The following USH1C variants were observed in gnomAD, a reference collection of about 807,000 sequenced individuals.
USH1C encodes harmonin.
In USH1C, 90 loss-of-function variants were observed where a neutral mutation model predicts 119.3. The ratio of observed to expected loss-of-function variants is 0.75; its 90% CI spans 0.64 to 0.90. USH1C has a LOEUF of 0.90. Among genes scored for constraint, USH1C ranks in the 40% least tolerant of loss-of-function variants. USH1C has a pLI of 0.00. For synonymous variants in USH1C, 465 were observed against 443.3 expected (o/e 1.05, Z -0.62); for missense variants, 1,165 against 1,167.7 (o/e 1.00, Z 0.03).
intron 25 of USH1C, among the ~76,000 whole-genome samples, chr11:17,496,446 T>C (rs1849251814): frequency 6.6e-6 from 1 of 152,190 alleles, no homozygotes; most frequent in Non-Finnish European, 1.5e-5. Context: ...GGGGATAAAG[T>C]TCTGAGTGGG....
intron 1 of USH1C, chr11:17,534,003 G>A (rs1238046780): frequency 7.3e-6 from 2 of 275,450 alleles, no homozygotes; most frequent in Non-Finnish European, 1.5e-5. Flanking sequence ...GCACTCTAAG[G>A]TCAGGTTCAG....
chr11:17,517,548 C>T, intron 14 of USH1C: 1 of 1,467,078 alleles, frequency 6.8e-7, no homozygotes, highest in South Asian at 1.2e-5. Context: ...AGAACCTTCT[C>T]AGGAGTTTGG....
chr11:17,533,833 A>C (rs1283281382), intron 1 of USH1C: 1 of 448,352 alleles, frequency 2.2e-6, no homozygotes, highest in South Asian at 1.6e-5. Context: ...CTGTAACATC[A>C]GTGCCAGGGG....
chr11:17,504,039 G>C (rs1165593071), intron 20 of USH1C, among the ~76,000 whole-genome samples: 1 of 152,226 alleles, frequency 6.6e-6, no homozygotes, highest in Non-Finnish European at 1.5e-5. Flanking sequence ...CATTGGTGAT[G>C]AAACAGCCAA....
rs1008727642 is a variant in USH1C, at chr11:17,533,172, C to G, written c.104+83G>C. On this transcript the variant is annotated intron_variant, in intron 2 of 26. Coordinates refer to ENST00000005226, the MANE Select transcript of USH1C (RefSeq NM_153676.4). ...GTGAGCATCCACCCTCTGAGCTCCTCTGTCTCAGAACAACCCATCCCAGGG... is the reference window on the plus strand; with the variant it reads ...GTGAGCATCCACCCTCTGAGCTCCTGTGTCTCAGAACAACCCATCCCAGGG... 5.8e-6 allele frequency: 6 copies of G among 1,033,788 alleles called. No homozygotes were observed. In the Admixed American group the frequency reaches 1.0e-4, roughly 17 times the overall value. The allele number at this position is 1,033,788 out of a possible 1,614,324, so 64.0% of individuals were successfully genotyped here.
chr11:17,520,772 A>G, intron 14 of USH1C, 98 bp downstream of exon 14: 1 of 1,439,384 alleles, frequency 6.9e-7, no homozygotes, highest in Admixed American at 1.7e-5. Flanking sequence ...AGCCCAGAGC[A>G]CCAAGGGCTA....
At chr11:17,533,391 G>A in intron 1 of USH1C, 69 bp from the exon 2 acceptor site, 1 of 1,188,384 alleles carries the variant, frequency 8.4e-7, no homozygotes, top group South Asian at 1.2e-5. Context: ...CCTCAGGGAG[G>A]AGAGGTCATC....
chr11:17,518,272 G>A (rs1023214490), intron 14 of USH1C, among the ~76,000 whole-genome samples: 3 of 152,166 alleles, frequency 2.0e-5, no homozygotes, highest in African/African-American at 7.2e-5. Flanking sequence ...TAAAACAATG[G>A]AACACAAATG....
intron 1 of USH1C, among the ~76,000 whole-genome samples, chr11:17,537,256 C>T (rs765020525): frequency 3.3e-5 from 5 of 152,162 alleles, no homozygotes; most frequent in Non-Finnish European, 7.3e-5. Context: ...TAGCACTAGC[C>T]CGAGGATCAG....
intron 18 of USH1C, among the ~76,000 whole-genome samples, chr11:17,508,590 T>C (rs1849738937): frequency 6.6e-6 from 1 of 152,264 alleles, no homozygotes; most frequent in South Asian, 2.1e-4. Flanking sequence ...CCAAGCTCCC[T>C]GTCTTCCTCA....
chr11:17,516,361 G>C, intron 14 of USH1C, 71 bp from the exon 15 acceptor site: 1 of 1,489,454 alleles, frequency 6.7e-7, no homozygotes. Flanking sequence ...GCAGCAGATG[G>C]GAGCTGGGTT....
chr11:17,536,496 G>C (rs946300477), intron 1 of USH1C, among the ~76,000 whole-genome samples: 30 of 152,332 alleles, frequency 2.0e-4, no homozygotes, highest in African/African-American at 7.2e-4. Context: ...ACTTGGAGAT[G>C]GTCTTGGTGG....
rs1170876395 is a variant in USH1C at position 17,531,168 on chromosome 11, T to A, written c.373A>T (p.Ser125Cys). The stretch of plus-strand genomic sequence containing the variant: ...TGTTTGCTCACCTGGAGCCCGACGC[T>A]GTCTGCCTGACCGCCTTTGATGAGG... ...SHLIKGGQAD[S>C]VGLQVGDEIV... Residue 125 changes from serine (S) to cysteine (C), a missense_variant, in exon 4 of 27, where the codon AGC becomes TGC. Coordinates refer to ENST00000005226, the MANE Select transcript of USH1C (RefSeq NM_153676.4). This position sits in a 1 kb window ranked among gnomAD's most constrained non-coding sequence, Gnocchi z 4.2. 6.2e-7 allele frequency: 1 copy of A among 1,614,120 alleles called. No homozygotes were observed. The highest frequency in any genetic ancestry group is 8.5e-7 in the Non-Finnish European group (1 of 1,180,032).
chr11:17,504,752 C>T (rs1849583878), intron 19 of USH1C, 55 bp from the exon 20 acceptor site: 5 of 1,594,030 alleles, frequency 3.1e-6, no homozygotes, highest in Non-Finnish European at 2.6e-6. Flanking sequence ...TAGGTCTTGG[C>T]TGCCCCCTGG....
chr11:17,523,550 C>T (rs1232962804), intron 9 of USH1C, 72 bp from the exon 10 acceptor site: 7 of 1,468,680 alleles, frequency 4.8e-6, no homozygotes, highest in Non-Finnish European at 6.6e-6. Context: ...GGACAGGCTC[C>T]CCCAGGGGCT....
At chr11:17,530,371 T>C (rs892236314) in intron 4 of USH1C, among the ~76,000 whole-genome samples, 44 of 152,226 alleles carry the variant, frequency 2.9e-4, no homozygotes, top group Non-Finnish European at 7.3e-5. Flanking sequence ...TTTCTGGGCT[T>C]GGCAGTCAGG....
At chr11:17,501,834 A>G (rs1849459175) in intron 21 of USH1C, 105 bp downstream of exon 21, 2 of 1,355,086 alleles carry the variant, frequency 1.5e-6, no homozygotes, top group Admixed American at 3.8e-5. Context: ...GCCCCACCTC[A>G]TCCCAGGACC....
In USH1C at chr11:17,501,132, C is replaced by A. The variant is rs747220783; in HGVS notation, c.2299G>T (p.Ala767Ser). ...GGGGAGTCCACACCGCCTTCCAGGG[C>A]CAGGTCTAAGGATCCCTCCTGGTTA... The part of the protein sequence containing the change: ...RIKKEGSLDL[A>S]LEGGVDSPIG... Residue 767 changes from alanine (A) to serine (S), a missense_variant, in exon 23 of 27, where the codon GCC (alanine) becomes TCC (serine). By Grantham distance (99) the Ala-to-Ser change is moderately conservative. Coordinates refer to ENST00000005226, the MANE Select transcript of USH1C (RefSeq NM_153676.4). 1.5e-5 allele frequency: 24 copies of A among 1,613,948 alleles called. No homozygotes were observed. Among genetic ancestry groups the A allele is most frequent in the Non-Finnish European group, 2.0e-5 (24 of 1,179,928 alleles).
At position 17,510,466 on chromosome 11, in the gene USH1C, A is replaced by G. The variant is rs971388554; in HGVS notation, c.1469T>C (p.Val490Ala). 1.1e-5 allele frequency: 18 copies of G among 1,613,582 alleles called. No homozygotes were observed. Among genetic ancestry groups the G allele is most frequent in the Non-Finnish European group, 1.3e-5 (15 of 1,179,972 alleles). ...GAGGCGCGTTTGACAGAGCCTCTCC[A>G]CCCAATATTGAATCTTTTCCGATTC... ...LEESEKIQYW[V>A]ERLCQTRLEQ... is the part of the protein sequence containing the mutation. The change falls in exon 17 of 27, where the codon GTG (valine) becomes GCG (alanine). Residue 490 changes from valine to alanine, a missense_variant. Physicochemically the swap from Val to Ala is moderately conservative, Grantham distance 64 (BLOSUM62 0). Coordinates refer to ENST00000005226, the MANE Select transcript of USH1C (RefSeq NM_153676.4).
Sources: allele counts gnomAD v4.1 joint callset (sites outside exome capture counted in the v4.1 genomes callset), GRCh38; gene constraint gnomAD v4.1.1; non-coding constraint Gnocchi (gnomAD v3.1); transcripts MANE v1.5; gene names NCBI Gene and HGNC (gene_info 2026-07-23, HGNC 2026-07-21).